Variants in CRLF1 observed in about 807,000 individuals in gnomAD.
CRLF1 encodes the protein cytokine receptor like factor 1, also known as cytokine receptor-like factor 1.
In CRLF1, 36 loss-of-function variants were observed where a neutral mutation model predicts 48.9. That is an observed-to-expected ratio of 0.74 (90% CI 0.56 to 0.97). The LOEUF is 0.97. Among genes scored for constraint, CRLF1 ranks in the 50% least tolerant of loss-of-function variants. CRLF1 has a pLI of 0.00. For synonymous variants in CRLF1, 256 were observed against 253.4 expected (o/e 1.01, Z -0.10); for missense variants, 534 against 575.1 (o/e 0.93, Z 0.73).
chr19:18,596,688 C>T lies in CRLF1; in HGVS notation c.958G>A (p.Gly320Ser), dbSNP rs1460295925. ...QVRCNPFGIY[G>S]SKKAGIWSEW... is the part of the protein sequence containing the mutation. ...CTCCAGATCCCGGCTTTCTTGGAGCCATAGATGCCAAAGGGGTTGCAGCGC... is the reference window on the plus strand; with the variant it reads ...CTCCAGATCCCGGCTTTCTTGGAGCTATAGATGCCAAAGGGGTTGCAGCGC... Residue 320 changes from glycine (G) to serine (S), a missense_variant, in exon 6 of 9, where the codon GGC becomes AGC. Around this residue, in one of 2 missense-constraint regions of CRLF1, gnomAD observed 528 missense variants for 555.7 expected, o/e 0.95. Transcript: ENST00000392386. 5.0e-6 allele frequency: 8 copies of T among 1,614,112 alleles called. No homozygotes were observed. The highest frequency in any genetic ancestry group is 6.8e-6 in the Non-Finnish European group (8 of 1,180,032).
intron 3 of CRLF1, 26 bp downstream of exon 3, chr19:18,598,746 C>T (rs1340965825): frequency 1.9e-6 from 3 of 1,614,082 alleles, no homozygotes; most frequent in South Asian, 2.2e-5. Context: ...CTGGGACACA[C>T]ACATCGCCCT....
At chr19:18,605,009 C>T (rs1216856015) in intron 1 of CRLF1, among the ~76,000 whole-genome samples, 4 of 152,206 alleles carry the variant, frequency 2.6e-5, no homozygotes, top group Non-Finnish European at 5.9e-5. Context: ...CCGCTGGTAC[C>T]TGCAGACACT....
In CRLF1 at chr19:18,598,333, G is replaced by A. The variant is rs1487150673; in HGVS notation, c.697+99C>T. The A allele has an allele frequency of 4.4e-6, 6 of 1,367,030 alleles. No individual in the cohort carries two copies. The South Asian group carries it at 5.3e-5, about 12-fold the overall frequency. 84.7% of individuals were successfully genotyped at this position (1,367,030 alleles called of 1,614,324 possible). A position where few individuals can be genotyped will look rare whatever the true frequency, so the allele number is the denominator to read the frequency against. On this transcript the variant is annotated intron_variant, in intron 4 of 8. Transcript: ENST00000392386. ...TTGCCGGGCTGGGGAGGGGCAGGTG[G>A]GACCCTAGGAAAAATGAGAAGGTGC...
intron 2 of CRLF1, 197 bp from the exon 3 acceptor site, chr19:18,599,098 G>C (rs1453437683): frequency 2.0e-6 from 2 of 985,232 alleles, no homozygotes; most frequent in Non-Finnish European, 2.4e-6. Context: ...CTGGTGACTC[G>C]ATCTCCGGGT....
At position 18,597,163 on chromosome 19, in the gene CRLF1, T is replaced by C. The variant is rs7250623; in HGVS notation, c.698-114A>G. ...GGAACCTGCCTCTGTTTTCCTCCTC[T>C]TCCCTCTGCCCCCACCCCCAGGACT... On this transcript the variant is annotated intron_variant, in intron 4 of 8. Coordinates refer to ENST00000392386, the MANE Select transcript of CRLF1 (RefSeq NM_004750.5). The C allele has an allele frequency of 0.54, 622,961 of 1,148,028 alleles. 171,761 individuals are homozygous for C. Among genetic ancestry groups the C allele is most frequent in the East Asian group, 0.61 (23,778 of 38,756 alleles). The allele number at this position is 1,148,028 out of a possible 1,614,324, so 71.1% of individuals were successfully genotyped here. A position where few individuals can be genotyped will look rare whatever the true frequency, so the allele number is the denominator to read the frequency against.
At chr19:18,598,106 GGGGCGCCTCCCGACCT>G (rs913076240) in intron 4 of CRLF1, among the ~76,000 whole-genome samples, 4 of 152,048 alleles carry the variant, frequency 2.6e-5, no homozygotes, top group African/African-American at 9.7e-5. Flanking sequence ...TCGGCTTCCT[GGGGCGCCTCCCGACCT>G]GGGCGCCCCC....
chr19:18,605,621 T>A (rs1976282147), intron 1 of CRLF1, among the ~76,000 whole-genome samples: 1 of 152,146 alleles, frequency 6.6e-6, no homozygotes, highest in Admixed American at 6.5e-5. Flanking sequence ...TGTGCGCGAG[T>A]TTGAGGGCGA....
intron 1 of CRLF1, among the ~76,000 whole-genome samples, chr19:18,600,848 G>C (rs1045827479): frequency 8.5e-5 from 13 of 152,278 alleles, no homozygotes; most frequent in Admixed American, 7.2e-4. Flanking sequence ...CTGTTGGCCA[G>C]GCTGGAGTGC....
rs1159885362 is a variant in CRLF1, at chr19:18,598,413, GCAGACACTGGGGGCT to G, written c.697+4_697+18del. 1 of 1,604,448 alleles carries G rather than the reference GCAGACACTGGGGGCT, an allele frequency of 6.2e-7. No individual in the cohort carries two copies. Among genetic ancestry groups the G allele is most frequent in the South Asian group, 1.1e-5 (1 of 90,034 alleles). ...GGGCTGGTGCCGAGGGAGGGGCCTA[GCAGACACTGGGGGCT>G]CACCCACATCCAGGATATCCAGCGT... On this transcript the variant is annotated splice_donor_5th_base_variant and intron_variant, in intron 4 of 8. Coordinates refer to ENST00000392386, the MANE Select transcript of CRLF1 (RefSeq NM_004750.5).
intron 8 of CRLF1, 74 bp from the exon 9 acceptor site, chr19:18,593,653 CTTCAT>C: frequency 6.4e-7 from 1 of 1,557,222 alleles, no homozygotes; most frequent in Non-Finnish European, 8.7e-7. Context: ...CTGAAGGAGG[CTTCAT>C]TCGTGTCCTG....
intron 1 of CRLF1, among the ~76,000 whole-genome samples, chr19:18,605,149 C>A (rs529406880): frequency 6.6e-6 from 1 of 151,856 alleles, no homozygotes; most frequent in African/African-American, 2.4e-5. Flanking sequence ...AGTGCCCCCC[C>A]ACCCCCTACA....
Position 18,599,191 on chromosome 19 carries a change from C to T in CRLF1, c.398-290G>A, listed in dbSNP as rs1292195426. On this transcript the variant is annotated intron_variant, in intron 2 of 8. Coordinates refer to ENST00000392386, the MANE Select transcript of CRLF1 (RefSeq NM_004750.5). Reference sequence around the variant, plus strand: ...TGCCATCTCAGCTCACTGCAACTTCCGCCTCCTGGGTTCAAGCAATTCTCC... The same window carrying T: ...TGCCATCTCAGCTCACTGCAACTTCTGCCTCCTGGGTTCAAGCAATTCTCC... The T allele has an allele frequency of 1.5e-5, 13 of 847,768 alleles. No individual in the cohort carries two copies. The African/African-American group carries it at 1.8e-4, about 12-fold the overall frequency. The allele number at this position is 847,768 out of a possible 1,614,324, so 52.5% of individuals were successfully genotyped here. A position where few individuals can be genotyped will look rare whatever the true frequency, so the allele number is the denominator to read the frequency against.
intron 2 of CRLF1, 43 bp from the exon 3 acceptor site, chr19:18,598,944 A>T (rs1489594500): frequency 6.2e-7 from 1 of 1,609,458 alleles, no homozygotes; most frequent in Non-Finnish European, 8.5e-7. Context: ...GAGGGTCTGG[A>T]CTAGCTGAGC....
rs780528096 is a variant in CRLF1, at chr19:18,599,748, C to T, written c.214G>A (p.Glu72Lys). Residue 72 changes from glutamate to lysine, a missense_variant, in exon 2 of 9, where the codon GAG (glutamate) becomes AAG (lysine). Glu to Lys is a moderately conservative substitution (Grantham distance 56). Transcript: ENST00000392386. ...CCGTTGAGGGTCCAGTAGAGGCCCT[C>T]GGCGGTGGCTCCTGGTGGGTCTCCG... The part of the protein sequence containing the change: ...VHGDPPGATA[E>K]GLYWTLNGRR... 2.6e-5 allele frequency: 41 copies of T among 1,601,042 alleles called. No individual in the cohort carries two copies. The highest frequency in any genetic ancestry group is 1.2e-4 in the South Asian group (11 of 89,492).
Position 18,606,165 on chromosome 19 carries a change from T to C in CRLF1, c.115+377A>G, listed in dbSNP as rs1600658915. On this transcript the variant is annotated intron_variant, in intron 1 of 8. Transcript: ENST00000392386. The surrounding 1 kb of genome is among the most constrained non-coding windows in gnomAD (Gnocchi z 4.8). ...GCCCGCACCCAGCGCGCCAACCGCG[T>C]GCGCCCCCGCCTGGGAGCGGTGCCC... 2.6e-5 allele frequency among the ~76,000 whole-genome samples: 4 copies of C among 151,376 alleles called. No individual in the cohort carries two copies. The highest frequency in any genetic ancestry group is 9.7e-5 in the African/African-American group (4 of 41,330).
rs1378684525 is a variant in CRLF1 at position 18,606,340 on chromosome 19, C to T, written c.115+202G>A. Among the ~76,000 whole-genome samples the T allele has an allele frequency of 6.6e-6, 1 of 150,846 alleles. No homozygotes were observed. The highest frequency in any genetic ancestry group is 1.5e-5 in the Non-Finnish European group (1 of 67,630). On this transcript the variant is annotated intron_variant, in intron 1 of 8. Coordinates refer to ENST00000392386, the MANE Select transcript of CRLF1 (RefSeq NM_004750.5). The surrounding 1 kb of genome is among the most constrained non-coding windows in gnomAD (Gnocchi z 4.8). Reference sequence around the variant, plus strand: ...GCTGCCCAGGTAACAGGGCCTCGGGCGCGGAAGCAGGACTCTCTGGACAGT... The same window carrying T: ...GCTGCCCAGGTAACAGGGCCTCGGGTGCGGAAGCAGGACTCTCTGGACAGT...
chr19:18,603,185 C>T (rs1330829867), intron 1 of CRLF1, among the ~76,000 whole-genome samples: 1 of 152,248 alleles, frequency 6.6e-6, no homozygotes, highest in Non-Finnish European at 1.5e-5. Context: ...CACAAAAGTC[C>T]TGCCCTTGTG....
intron 6 of CRLF1, among the ~76,000 whole-genome samples, chr19:18,595,844 C>T (rs1374755755): frequency 1.3e-5 from 2 of 152,220 alleles, no homozygotes. Flanking sequence ...CATTCCCATC[C>T]CCCTGCCTTG....
intron 4 of CRLF1, 81 bp downstream of exon 4, chr19:18,598,351 G>T: frequency 6.8e-7 from 1 of 1,480,004 alleles, no homozygotes; most frequent in Admixed American, 1.9e-5. Context: ...GGAAAAATGA[G>T]AAGGTGCAGG....
Sources: gnomAD v4.1 joint callset for allele counts (sites outside exome capture counted in the v4.1 genomes callset) on GRCh38, gnomAD v4.1.1 for gene constraint, gnomAD v4.1.1 regional missense constraint, Gnocchi (gnomAD v3.1) non-coding constraint, MANE v1.5 for transcripts, NCBI Gene and HGNC (gene_info 2026-07-23, HGNC 2026-07-21) for gene names.